Variants in SLC33A1 observed in about 807,000 individuals in gnomAD.
The protein encoded by SLC33A1 is solute carrier family 33 member 1.
Under a neutral mutation model 50.0 loss-of-function variants are expected in SLC33A1, and 20 were observed. That is an observed-to-expected ratio of 0.40 (90% confidence interval 0.28 to 0.58). The LOEUF is 0.58. SLC33A1 is among the 20% of genes least tolerant of loss of function. SLC33A1 has a pLI of 0.44. For synonymous variants in SLC33A1, 265 were observed against 251.8 expected, an observed-to-expected ratio of 1.05 and a Z score of -0.50; for missense variants, 476 against 657.0, an observed-to-expected ratio of 0.72 and a Z score of 3.01.
At chr3:155,848,158 TA>T (rs1753255755) in intron 1 of SLC33A1, among the ~76,000 whole-genome samples, 1 of 152,138 alleles carries the variant, frequency 6.6e-6, no homozygotes, top group Admixed American at 6.6e-5. Context: ...TGGGTCTTGC[TA>T]TGTTGCCCAG....
intron 2 of SLC33A1, among the ~76,000 whole-genome samples, chr3:155,838,337 G>C (rs1250849024): frequency 6.6e-6 from 1 of 151,368 alleles, no homozygotes. Flanking sequence ...AAATCTATTG[G>C]CCAGCCTGTA....
intron 2 of SLC33A1, among the ~76,000 whole-genome samples, chr3:155,834,434 C>T (rs1324520389): frequency 1.3e-5 from 2 of 152,128 alleles, no homozygotes; most frequent in Non-Finnish European, 2.9e-5. Flanking sequence ...TGAAGCATAA[C>T]TGCCAATATA....
At chr3:155,834,449 T>C (rs1319498027) in intron 2 of SLC33A1, among the ~76,000 whole-genome samples, 1 of 152,154 alleles carries the variant, frequency 6.6e-6, no homozygotes, top group Non-Finnish European at 1.5e-5. Flanking sequence ...AATATATATA[T>C]ACATTTTTAA....
At chr3:155,829,585 A>G in intron 5 of SLC33A1, 103 bp downstream of exon 5, 1 of 830,272 alleles carries the variant, frequency 1.2e-6, no homozygotes, top group Non-Finnish European at 2.0e-6. Flanking sequence ...GAACCTATGG[A>G]CAGATATGAT....
chr3:155,834,076 T>C (rs1752561009), intron 2 of SLC33A1, 35 bp from the exon 3 acceptor site: 4 of 1,572,978 alleles, frequency 2.5e-6, no homozygotes, highest in Non-Finnish European at 3.5e-6. Context: ...TTTTAATTCG[T>C]GACTTATGAA....
intron 1 of SLC33A1, among the ~76,000 whole-genome samples, chr3:155,849,909 GAATAATAATAATAAT>G (rs71138683): frequency 0.14 from 18,992 of 133,910 alleles, 2,945 homozygotes; most frequent in African/African-American, 0.38. Flanking sequence ...CTCCATCTCA[GAATAATAATAATAAT>G]AATAATAATA....
At position 155,839,706 on chromosome 3, in the gene SLC33A1, C is replaced by G. The variant is rs570701073; in HGVS notation, c.963+2726G>C. On this transcript the variant is annotated intron_variant, in intron 2 of 5. Transcript: ENST00000643144. ...GCTCACACATGTAATCCCAGGACTT[C>G]GGGAGTCTAGGCAGGTGGATCACTT... Among the ~76,000 whole-genome samples the G allele has an allele frequency of 3.3e-4, 50 of 152,118 alleles. 1 individual carries two copies. The South Asian group carries it at 0.01, about 31-fold the overall frequency.
At position 155,828,281 on chromosome 3, in the gene SLC33A1, A is replaced by C. The variant is rs200914930; in HGVS notation, c.1579T>G (p.Phe527Val). The change falls in exon 6 of 6, where the codon TTT (phenylalanine) becomes GTT (valine). Residue 527 changes from phenylalanine to valine, a missense_variant. Physicochemically the swap from Phe to Val is conservative, Grantham distance 50 (BLOSUM62 -1). Transcript: ENST00000643144. ...AACTTTTTAAATTTTGGACCAAGAA[A>C]GAACCACCAACCAAATCCAATGAAA... ...CVFIGFGWWF[F>V]LGPKFKKLQD... 91 of 1,611,686 alleles carry C rather than the reference A, an allele frequency of 5.6e-5. No individual in the cohort carries two copies. The East Asian group carries it at 2.0e-3, about 35-fold the overall frequency.
Position 155,853,251 on chromosome 3 carries a change from A to G in SLC33A1, c.747T>C (p.Pro249=). 6.2e-7 allele frequency: 1 copy of G among 1,613,988 alleles called. No homozygotes were observed. Among genetic ancestry groups the G allele is most frequent in the Non-Finnish European group, 8.5e-7 (1 of 1,179,970 alleles). ...AAAGAGTAACGATTCCTCTGGGTTG[A>G]GGCTGAAACCGCAAATATTTGTTAC... ...DFCNKYLRFQ[P]QPRGIVTLSD... The change falls in exon 1 of 6, where the codon CCT becomes CCC. Residue 249 remains proline, a synonymous_variant. Coordinates refer to ENST00000643144, the MANE Select transcript of SLC33A1 (RefSeq NM_004733.4).
chr3:155,848,405 G>A (rs73159041), intron 1 of SLC33A1, among the ~76,000 whole-genome samples: 6,516 of 152,204 alleles, frequency 0.043, 203 homozygotes, highest in Non-Finnish European at 0.06. Flanking sequence ...CAATCTTGCC[G>A]GGCATGGTGG....
At position 155,847,574 on chromosome 3, in the gene SLC33A1, A is replaced by G. The variant is rs867145865; in HGVS notation, c.776-4955T>C. On this transcript the variant is annotated intron_variant, in intron 1 of 5. Transcript: ENST00000643144. ...AGCCTGACCAACATGGTGAAACCCC[A>G]TCTCTACTAAAAATACAAAAAAAAT... is the stretch of plus-strand genomic sequence containing the variant. 7.2e-5 allele frequency among the ~76,000 whole-genome samples: 11 copies of G among 152,048 alleles called. No individual in the cohort carries two copies. In the Middle Eastern group the frequency reaches 0.024, roughly 329 times the overall value.
rs1752105291 is a variant in SLC33A1 at position 155,822,294 on chromosome 3, T to C, written c.*5916A>G. Reference sequence around the variant, plus strand: ...ACTGGGGTATTCAATTTTAGAAATTTAAGATAATTCCCGCCAGGTGCAGTG... The same window carrying C: ...ACTGGGGTATTCAATTTTAGAAATTCAAGATAATTCCCGCCAGGTGCAGTG... On this transcript the variant is annotated 3_prime_UTR_variant, in exon 6 of 6. Coordinates refer to ENST00000643144, the MANE Select transcript of SLC33A1 (RefSeq NM_004733.4). The C allele has an allele frequency of 6.6e-6, 1 of 152,056 alleles. No individual in the cohort carries two copies. Among genetic ancestry groups the C allele is most frequent in the Non-Finnish European group, 1.5e-5 (1 of 67,990 alleles). The allele number at this position is 152,056 out of a possible 1,614,324, so 9.4% of individuals were successfully genotyped here. A position where few individuals can be genotyped will look rare whatever the true frequency, so the allele number is the denominator to read the frequency against.
At chr3:155,831,261 A>G (rs1403672883) in intron 4 of SLC33A1, among the ~76,000 whole-genome samples, 1 of 151,982 alleles carries the variant, frequency 6.6e-6, no homozygotes, top group East Asian at 1.9e-4. Context: ...GTTCAAGACC[A>G]GCCTGGCCAA....
intron 4 of SLC33A1, among the ~76,000 whole-genome samples, chr3:155,831,494 T>A (rs1752434629): frequency 8.3e-6 from 1 of 119,798 alleles, no homozygotes; most frequent in Non-Finnish European, 1.7e-5. Flanking sequence ...AAAAAAAATT[T>A]GTTGAAGGAA....
chr3:155,831,457 C>CAAAAAAAA lies in SLC33A1; in HGVS notation c.1267-1562_1267-1555dup, dbSNP rs397991448. 1.9e-3 allele frequency among the ~76,000 whole-genome samples: 88 copies of CAAAAAAAA among 46,712 alleles called. 3 individuals carry two copies. Among genetic ancestry groups the CAAAAAAAA allele is most frequent in the African/African-American group, 3.5e-3 (61 of 17,208 alleles). The allele number at this position is 46,712 out of a possible 152,430, so 30.6% of individuals were successfully genotyped here. ...TGGGCAACAGAGTGAGACTCTGTCTCAAAAAAAAAAAAAAAAAAAAAAAAA... is the reference window on the plus strand; with the variant it reads ...TGGGCAACAGAGTGAGACTCTGTCTCAAAAAAAAAAAAAAAAAAAAAAAAAAAAAAAAA... On this transcript the variant is annotated intron_variant, in intron 4 of 5. Coordinates refer to ENST00000643144, the MANE Select transcript of SLC33A1 (RefSeq NM_004733.4).
In SLC33A1 at chr3:155,829,745, T is replaced by G. The variant is rs777226978; in HGVS notation, c.1425A>C (p.Thr475=). The change falls in exon 5 of 6, where the codon ACA becomes ACC. Residue 475 remains threonine (T), a synonymous_variant. Coordinates refer to ENST00000643144, the MANE Select transcript of SLC33A1 (RefSeq NM_004733.4). ...TTGATGCTCCTACACACTCTTTTACTGTGAGGGGATCTACAAGCCAAAGAG... is the reference window on the plus strand; with the variant it reads ...TTGATGCTCCTACACACTCTTTTACGGTGAGGGGATCTACAAGCCAAAGAG... The part of the protein sequence containing the change: ...TVALWLVDPL[T]VKECVGASNQ... The G allele has an allele frequency of 6.2e-7, 1 of 1,614,158 alleles. No individual in the cohort carries two copies. The highest frequency in any genetic ancestry group is 8.5e-7 in the Non-Finnish European group (1 of 1,180,010).
At chr3:155,831,245 TCA>T in intron 4 of SLC33A1, among the ~76,000 whole-genome samples, 1 of 151,756 alleles carries the variant, frequency 6.6e-6, no homozygotes, top group Admixed American at 6.6e-5. Flanking sequence ...TCACCTGAGG[TCA>T]GGAGTTCAAG....
chr3:155,833,803 G>A lies in SLC33A1; in HGVS notation c.1148+54C>T, dbSNP rs558560754. The A allele has an allele frequency of 1.3e-4, 174 of 1,348,710 alleles. No homozygotes were observed. The African/African-American group carries it at 2.3e-3, about 18-fold the overall frequency. The allele number at this position is 1,348,710 out of a possible 1,614,324, so 83.5% of individuals were successfully genotyped here. ...ACGCTCAGATATTAGTGGTATTGAT[G>A]AATGTTCCTCATTTTACCCTTTCTT... is the stretch of plus-strand genomic sequence containing the variant. On this transcript the variant is annotated intron_variant, in intron 3 of 5. Coordinates refer to ENST00000643144, the MANE Select transcript of SLC33A1 (RefSeq NM_004733.4).
intron 4 of SLC33A1, among the ~76,000 whole-genome samples, chr3:155,830,640 A>G (rs1168118686): frequency 6.6e-6 from 1 of 152,118 alleles, no homozygotes; most frequent in African/African-American, 2.4e-5. Flanking sequence ...TAAAGGATAC[A>G]TAATGCATAC....
Sources: allele counts gnomAD v4.1 joint callset (sites outside exome capture counted in the v4.1 genomes callset), GRCh38; gene constraint gnomAD v4.1.1; transcripts MANE v1.5; gene names NCBI Gene and HGNC (gene_info 2026-07-23, HGNC 2026-07-21).